RGS21: variants seen among roughly 807,000 people sequenced by gnomAD.
The protein encoded by RGS21 is regulator of G protein signaling 21.
Under a neutral mutation model 18.7 loss-of-function variants are expected in RGS21, and 19 were observed. The observed-to-expected ratio is 1.01, with a 90% CI of 0.71 to 1.49. The LOEUF is 1.49. Among genes scored for constraint, RGS21 ranks in the 40% most tolerant of loss-of-function variants. The probability of loss-of-function intolerance (pLI) is 0.00; values close to 1 mark genes in which losing one functional copy is unlikely to be tolerated. For missense variants in RGS21, 194 were observed against 176.8 expected (o/e 1.10, Z -0.55); for synonymous variants, 56 against 57.8 (o/e 0.97, Z 0.14).
chr1:192,332,397 A>G lies in RGS21; in HGVS notation c.-60-10580A>G, dbSNP rs76428038. ...AAATTTAATCCCTGCCAAACTGTCA[A>G]TTGAATATCAATAGGCAAAAAAGTC... On this transcript the variant is annotated intron_variant, in intron 1 of 4. Coordinates refer to ENST00000417209, the MANE Select transcript of RGS21 (RefSeq NM_001039152.3). 1.2e-3 allele frequency among the ~76,000 whole-genome samples: 179 copies of G among 152,314 alleles called. 1 individual carries two copies. In the Middle Eastern group the frequency reaches 0.024, roughly 20 times the overall value.
chr1:192,328,658 T>A (rs1658602597), intron 1 of RGS21, among the ~76,000 whole-genome samples: 1 of 152,246 alleles, frequency 6.6e-6, no homozygotes, highest in African/African-American at 2.4e-5. Context: ...TTGGAAATAA[T>A]TATCAAAATA....
chr1:192,340,094 C>A (rs1485245952), intron 1 of RGS21, among the ~76,000 whole-genome samples: 1 of 152,022 alleles, frequency 6.6e-6, no homozygotes, highest in African/African-American at 2.4e-5. Context: ...TTTATACTGT[C>A]TGATTAAAGT....
intron 1 of RGS21, among the ~76,000 whole-genome samples, chr1:192,317,814 C>A (rs1658440970): frequency 6.6e-6 from 1 of 151,878 alleles, no homozygotes; most frequent in Non-Finnish European, 1.5e-5. Flanking sequence ...CTTCATGTCA[C>A]TCTAAGTAAA....
At chr1:192,344,202 A>G (rs1658914927) in intron 2 of RGS21, among the ~76,000 whole-genome samples, 3 of 152,094 alleles carry the variant, frequency 2.0e-5, no homozygotes, top group South Asian at 2.1e-4. Flanking sequence ...GAATTATAGT[A>G]TTTCTATGAA....
intron 4 of RGS21, among the ~76,000 whole-genome samples, chr1:192,362,662 AGCTACCAATT>A (rs1236559300): frequency 6.6e-6 from 1 of 152,320 alleles, no homozygotes; most frequent in African/African-American, 2.4e-5. Flanking sequence ...CTCATCACTT[AGCTACCAATT>A]GCTGATGCTG....
At chr1:192,354,726 T>G (rs575657782) in intron 4 of RGS21, among the ~76,000 whole-genome samples, 1 of 151,778 alleles carries the variant, frequency 6.6e-6, no homozygotes, top group Non-Finnish European at 1.5e-5. Context: ...AGAATCTAAA[T>G]TATAACCAGT....
chr1:192,362,505 C>G (rs1361175799), intron 4 of RGS21, among the ~76,000 whole-genome samples: 1 of 152,166 alleles, frequency 6.6e-6, no homozygotes, highest in East Asian at 1.9e-4. Flanking sequence ...AGAGACAATT[C>G]CTATGTTTCT....
At chr1:192,342,192 A>T (rs1364998530) in intron 1 of RGS21, among the ~76,000 whole-genome samples, 1 of 152,028 alleles carries the variant, frequency 6.6e-6, no homozygotes, top group Non-Finnish European at 1.5e-5. Context: ...TTTAATTGAC[A>T]TTGAGGGTCA....
At chr1:192,332,732 C>T (rs1658675796) in intron 1 of RGS21, among the ~76,000 whole-genome samples, 1 of 152,092 alleles carries the variant, frequency 6.6e-6, no homozygotes, top group African/African-American at 2.4e-5. Context: ...ATCTACTATA[C>T]ATAAAGAATT....
At chr1:192,360,738 T>G (rs765432855) in intron 4 of RGS21, among the ~76,000 whole-genome samples, 6 of 152,142 alleles carry the variant, frequency 3.9e-5, no homozygotes, top group Non-Finnish European at 7.4e-5. Flanking sequence ...TGATTTATCT[T>G]TCTTCTCAAA....
At chr1:192,329,731 T>C (rs1212287846) in intron 1 of RGS21, among the ~76,000 whole-genome samples, 3 of 150,948 alleles carry the variant, frequency 2.0e-5, no homozygotes, top group Non-Finnish European at 3.0e-5. Flanking sequence ...ATAGTACAGA[T>C]GAGAAAAGGG....
chr1:192,365,219 CA>C (rs1202622537), intron 4 of RGS21, among the ~76,000 whole-genome samples: 1 of 151,702 alleles, frequency 6.6e-6, no homozygotes, highest in Non-Finnish European at 1.5e-5. Flanking sequence ...TTCTGCTTCT[CA>C]AAATATATCC....
chr1:192,351,902 C>T lies in RGS21; in HGVS notation c.89-145C>T, dbSNP rs563590559. 1.4e-4 allele frequency: 69 copies of T among 506,878 alleles called. 1 individual carries two copies. The highest frequency in any genetic ancestry group is 1.1e-3 in the Admixed American group (29 of 26,018). 31.4% of individuals were successfully genotyped at this position (506,878 alleles called of 1,614,324 possible). A position where few individuals can be genotyped will look rare whatever the true frequency, so the allele number is the denominator to read the frequency against. ...AAATAAAGTTTTCTAGAGTTAGCAA[C>T]TAAAACATACATTACATTTAGATGC... On this transcript the variant is annotated intron_variant, in intron 3 of 4. Transcript: ENST00000417209.
chr1:192,348,214 C>A (rs1006068262), intron 3 of RGS21, among the ~76,000 whole-genome samples: 1 of 151,776 alleles, frequency 6.6e-6, no homozygotes, highest in Non-Finnish European at 1.5e-5. Context: ...TTAGTAGAGA[C>A]AGGTGTTCGC....
chr1:192,324,132 T>A (rs1156369914), intron 1 of RGS21, among the ~76,000 whole-genome samples: 1 of 151,666 alleles, frequency 6.6e-6, no homozygotes, highest in Non-Finnish European at 1.5e-5. Context: ...TTTATTTCTC[T>A]ACAGTCATAA....
chr1:192,352,736 C>G lies in RGS21; in HGVS notation c.255+523C>G, dbSNP rs140540293. Among the ~76,000 whole-genome samples, 352 of 152,066 alleles carry G rather than the reference C, an allele frequency of 2.3e-3. 3 individuals carry two copies. Among genetic ancestry groups the G allele is most frequent in the East Asian group, 0.016 (81 of 5,174 alleles). On this transcript the variant is annotated intron_variant, in intron 4 of 4. Transcript: ENST00000417209. ...GGGGCTCTGTATCAAGTGATCAGGA[C>G]TCACCTGTGCTGCTTAAAGATCAGG... is the stretch of plus-strand genomic sequence containing the variant.
intron 2 of RGS21, among the ~76,000 whole-genome samples, chr1:192,346,415 T>C (rs1486950900): frequency 2.0e-5 from 3 of 152,136 alleles, no homozygotes; most frequent in Admixed American, 1.3e-4. Context: ...TTATTGGTAA[T>C]TTCAATACAA....
At chr1:192,328,470 C>A (rs905455465) in intron 1 of RGS21, among the ~76,000 whole-genome samples, 11 of 151,990 alleles carry the variant, frequency 7.2e-5, no homozygotes, top group African/African-American at 2.4e-4. Context: ...TAAATGTTTC[C>A]AAGCTTCAGA....
intron 1 of RGS21, among the ~76,000 whole-genome samples, chr1:192,323,864 G>C (rs944403765): frequency 3.3e-5 from 5 of 152,020 alleles, no homozygotes; most frequent in African/African-American, 1.2e-4. Context: ...TAAATACACA[G>C]CCCAGAGATT....
Sources: gnomAD v4.1 joint callset for allele counts (sites outside exome capture counted in the v4.1 genomes callset) on GRCh38, gnomAD v4.1.1 for gene constraint, MANE v1.5 for transcripts, NCBI Gene and HGNC (gene_info 2026-07-23, HGNC 2026-07-21) for gene names.